The following N4BP1 variants were observed in gnomAD, a reference collection of about 807,000 sequenced individuals.
N4BP1 encodes the protein NEDD4 binding protein 1.
N4BP1 carries 21 observed loss-of-function variants against 70.9 expected under a neutral mutation model. That is an observed-to-expected ratio of 0.30 (90% CI 0.21 to 0.43). The LOEUF (loss-of-function observed/expected upper bound fraction) is 0.43. N4BP1 is among the 20% of genes least tolerant of loss of function. N4BP1 has a pLI of 1.00. For missense variants in N4BP1, 936 were observed against 1,069.4 expected, an observed-to-expected ratio of 0.88 and a Z score of 1.74; for synonymous variants, 387 against 394.6, an observed-to-expected ratio of 0.98 and a Z score of 0.23.
chr16:48,586,320 G>A (rs1220551010), intron 1 of N4BP1, among the ~76,000 whole-genome samples: 1 of 152,160 alleles, frequency 6.6e-6, no homozygotes, highest in African/African-American at 2.4e-5. Context: ...TAACTACCGA[G>A]TATATAATTT....
chr16:48,567,071 T>C (rs1963953412), intron 1 of N4BP1, among the ~76,000 whole-genome samples: 1 of 152,208 alleles, frequency 6.6e-6, no homozygotes, highest in East Asian at 1.9e-4. Flanking sequence ...TCCTCCTCCT[T>C]TTACATTTTA....
rs746607752 is a variant in N4BP1, at chr16:48,561,720, T to A, written c.923A>T (p.Glu308Val). The A allele has an allele frequency of 8.1e-6, 13 of 1,612,194 alleles. No individual in the cohort carries two copies. The highest frequency in any genetic ancestry group is 9.3e-6 in the Non-Finnish European group (11 of 1,179,878). ...CAATGTCTTAGCATCGTGTAAAATC[T>A]CCCCCTCCTGAACATTTTCCAAAGA... ...QFSLENVQEG[E>V]ILHDAKTLAG... Residue 308 changes from glutamate to valine, a missense_variant, in exon 2 of 7, where the codon GAG becomes GTG. This residue lies in a region of N4BP1 where 515 missense variants were observed against 491.7 expected (regional missense o/e 1.05). Coordinates refer to ENST00000262384, the MANE Select transcript of N4BP1 (RefSeq NM_153029.4).
At chr16:48,607,744 G>A (rs1964606227) in intron 1 of N4BP1, among the ~76,000 whole-genome samples, 2 of 152,248 alleles carry the variant, frequency 1.3e-5, no homozygotes. Flanking sequence ...TTGGATAGCT[G>A]GGGAGAATGG....
rs1963873247 is a variant in N4BP1 at position 48,562,274 on chromosome 16, A to G, written c.369T>C (p.Ser123=). The G allele has an allele frequency of 6.2e-7, 1 of 1,613,936 alleles. No homozygotes were observed. The highest frequency in any genetic ancestry group is 8.5e-7 in the Non-Finnish European group (1 of 1,179,876). ...LDIGLLGIRG[S]AEAVVMARSH... Reference sequence around the variant, plus strand: ...TCCTAGCCATGACCACAGCCTCAGCACTTCCTCTGATGCCAAGAAGGCCAA... The same window carrying G: ...TCCTAGCCATGACCACAGCCTCAGCGCTTCCTCTGATGCCAAGAAGGCCAA... The change falls in exon 2 of 7, where the codon AGT becomes AGC. Residue 123 remains serine (S), a synonymous_variant. Transcript: ENST00000262384.
chr16:48,561,144 C>A lies in N4BP1; in HGVS notation c.1499G>T (p.Ser500Ile). ...DGLSPSVASP[S>I]PKEVNFVSRG... ...TGAAACAAAATTGACTTCTTTGGGA[C>A]TTGGAGAGGCAACAGAAGGTGAAAG... Residue 500 changes from serine to isoleucine, a missense_variant, in exon 2 of 7, where the codon AGT (serine) becomes ATT (isoleucine). Physicochemically the swap from Ser to Ile is moderately radical, Grantham distance 142. Coordinates refer to ENST00000262384, the MANE Select transcript of N4BP1 (RefSeq NM_153029.4). 6.2e-7 allele frequency: 1 copy of A among 1,613,980 alleles called. No homozygotes were observed. The highest frequency in any genetic ancestry group is 8.5e-7 in the Non-Finnish European group (1 of 1,179,886).
intron 2 of N4BP1, among the ~76,000 whole-genome samples, chr16:48,557,065 T>C (rs575214130): frequency 2.0e-5 from 3 of 152,176 alleles, no homozygotes; most frequent in South Asian, 2.1e-4. Flanking sequence ...GTATACAAAA[T>C]TGGCAGCATT....
intron 2 of N4BP1, among the ~76,000 whole-genome samples, chr16:48,556,181 AT>A (rs1166868321): frequency 3.3e-5 from 5 of 152,240 alleles, no homozygotes; most frequent in Non-Finnish European, 5.9e-5. Flanking sequence ...CTCTAAAAAA[AT>A]CTCAGGAATG....
At chr16:48,595,101 G>A (rs1257408010) in intron 1 of N4BP1, among the ~76,000 whole-genome samples, 1 of 152,138 alleles carries the variant, frequency 6.6e-6, no homozygotes, top group African/African-American at 2.4e-5. Flanking sequence ...TTAACTGAAT[G>A]GACCGAACAG....
chr16:48,572,687 C>T (rs987990146), intron 1 of N4BP1, among the ~76,000 whole-genome samples: 3 of 152,024 alleles, frequency 2.0e-5, no homozygotes, highest in Non-Finnish European at 4.4e-5. Flanking sequence ...GCAGACAAGC[C>T]GAGGAACCAG....
At chr16:48,589,755 T>C (rs1164302136) in intron 1 of N4BP1, among the ~76,000 whole-genome samples, 2 of 152,226 alleles carry the variant, frequency 1.3e-5, no homozygotes, top group Non-Finnish European at 2.9e-5. Context: ...ATTCACTTTG[T>C]AGACTGGTGA....
intron 2 of N4BP1, among the ~76,000 whole-genome samples, 176 bp from the exon 3 acceptor site, chr16:48,553,845 G>A (rs898855576): frequency 3.3e-5 from 5 of 152,154 alleles, no homozygotes; most frequent in African/African-American, 1.2e-4. Flanking sequence ...CCACTGTAGG[G>A]GACAGAACTC....
Position 48,561,201 on chromosome 16 carries a change from T to A in N4BP1, c.1442A>T (p.Tyr481Phe), listed in dbSNP as rs762254198. ...AGTTTCAGGGTCTGTGTTACAAATG[T>A]AGTTCTGGTTTGAACCCCAGACTTC... ...KHEVWGSNQN[Y>F]ICNTDPETDG... The change falls in exon 2 of 7, where the codon TAC becomes TTC. Residue 481 changes from tyrosine (Y) to phenylalanine (F), a missense_variant. By Grantham distance (22) the Tyr-to-Phe change is conservative. This residue lies in a region of N4BP1 where 515 missense variants were observed against 491.7 expected (regional missense o/e 1.05). Transcript: ENST00000262384. 2.5e-6 allele frequency: 4 copies of A among 1,614,002 alleles called. No homozygotes were observed. Among genetic ancestry groups the A allele is most frequent in the Non-Finnish European group, 3.4e-6 (4 of 1,179,874 alleles).
At chr16:48,602,934 G>C (rs1388245908) in intron 1 of N4BP1, among the ~76,000 whole-genome samples, 2 of 152,076 alleles carry the variant, frequency 1.3e-5, no homozygotes, top group Non-Finnish European at 2.9e-5. Context: ...AGTGAGCTGA[G>C]ATCACACCAC....
At position 48,539,517 on chromosome 16, in the gene N4BP1, A is replaced by G. The variant is rs9941275; in HGVS notation, c.*3387T>C. 59,218 of 152,196 alleles carry G rather than the reference A, an allele frequency of 0.39. 12,221 individuals are homozygous for G. Among genetic ancestry groups the G allele is most frequent in the African/African-American group, 0.52 (21,366 of 41,388 alleles). The allele number at this position is 152,196 out of a possible 1,614,324, so 9.4% of individuals were successfully genotyped here. The stretch of plus-strand genomic sequence containing the variant: ...CAGTCACTACAGAGAGGGGACAGCG[A>G]GGAGAGGGACGGTGTGGCCCTAAGG... On this transcript the variant is annotated 3_prime_UTR_variant, in exon 7 of 7. Coordinates refer to ENST00000262384, the MANE Select transcript of N4BP1 (RefSeq NM_153029.4).
intron 1 of N4BP1, among the ~76,000 whole-genome samples, chr16:48,570,851 C>T (rs1166497597): frequency 6.6e-6 from 1 of 152,128 alleles, no homozygotes. Context: ...ATAAGAGTCT[C>T]ACTCTGTCAC....
intron 1 of N4BP1, among the ~76,000 whole-genome samples, chr16:48,565,602 T>A (rs1433596070): frequency 6.6e-6 from 1 of 152,232 alleles, no homozygotes; most frequent in African/African-American, 2.4e-5. Context: ...TTTTTGGTAC[T>A]GTTTTTGTCT....
In N4BP1 at chr16:48,561,612, T is replaced by A; in HGVS notation, c.1031A>T (p.Glu344Val). 1.9e-6 allele frequency: 3 copies of A among 1,613,332 alleles called. No homozygotes were observed. The highest frequency in any genetic ancestry group is 2.5e-6 in the Non-Finnish European group (3 of 1,179,772). Residue 344 changes from glutamate to valine, a missense_variant, in exon 2 of 7, where the codon GAA becomes GTA. Coordinates refer to ENST00000262384, the MANE Select transcript of N4BP1 (RefSeq NM_153029.4). ...GTTTACGAGGATGTTGTATTCCATTTCCTCAGTAGTTTCTTTTATATCTGG... is the reference window on the plus strand; with the variant it reads ...GTTTACGAGGATGTTGTATTCCATTACCTCAGTAGTTTCTTTTATATCTGG... ...LSPDIKETTE[E>V]MEYNILVNFF...
chr16:48,552,735 A>G (rs1389138186), intron 3 of N4BP1, among the ~76,000 whole-genome samples: 22 of 145,044 alleles, frequency 1.5e-4, no homozygotes, highest in Non-Finnish European at 3.0e-4. Flanking sequence ...AAAAAAAAAA[A>G]AAAGACTCCT....
At chr16:48,576,431 A>G (rs1008357432) in intron 1 of N4BP1, among the ~76,000 whole-genome samples, 1 of 152,094 alleles carries the variant, frequency 6.6e-6, no homozygotes, top group Non-Finnish European at 1.5e-5. Flanking sequence ...TACTGAGTGT[A>G]CTCCTAGAGA....
Sources: gnomAD v4.1 joint callset for allele counts (sites outside exome capture counted in the v4.1 genomes callset) on GRCh38, gnomAD v4.1.1 for gene constraint, gnomAD v4.1.1 regional missense constraint, MANE v1.5 for transcripts, NCBI Gene and HGNC (gene_info 2026-07-23, HGNC 2026-07-21) for gene names.